Variants in SLC5A10 observed in about 807,000 individuals in gnomAD.
The protein encoded by SLC5A10 is solute carrier family 5 member 10, also known as sodium/mannose cotransporter SLC5A10.
SLC5A10 carries 55 observed loss-of-function variants against 68.9 expected under a neutral mutation model. The observed-to-expected ratio is 0.80, with a 90% confidence interval of 0.64 to 1.00. The LOEUF (loss-of-function observed/expected upper bound fraction) is 1.00, where lower values mean the gene tolerates loss of function less well. Ranked by LOEUF, SLC5A10 falls within the 50% of genes least tolerant of loss-of-function variation. The pLI, the probability that SLC5A10 is intolerant of heterozygous loss-of-function variation, is 0.00. For synonymous variants in SLC5A10, 344 were observed against 344.8 expected, an observed-to-expected ratio of 1.00 and a Z score of 0.02; for missense variants, 732 against 819.3, an observed-to-expected ratio of 0.89 and a Z score of 1.30.
Position 18,968,752 on chromosome 17 carries a change from C to G in SLC5A10, c.454-300C>G, listed in dbSNP as rs892248691. The G allele has an allele frequency of 5.0e-6, 2 of 398,138 alleles. No homozygotes were observed. Among genetic ancestry groups the G allele is most frequent in the Admixed American group, 8.4e-5 (2 of 23,936 alleles). The allele number at this position is 398,138 out of a possible 1,614,324, so 24.7% of individuals were successfully genotyped here. A position where few individuals can be genotyped will look rare whatever the true frequency, so the allele number is the denominator to read the frequency against. On this transcript the variant is annotated intron_variant, in intron 5 of 14. Coordinates refer to ENST00000395645, the MANE Select transcript of SLC5A10 (RefSeq NM_001042450.4). The surrounding 1 kb of genome is among the most constrained non-coding windows in gnomAD (Gnocchi z 4.1). ...GAGGGGACAGGGCTCTGCCTTTTAT[C>G]CCCTCGGGAAGGGGCCAGATTCAAT...
At chr17:18,960,890 G>A (rs1597817605) in intron 5 of SLC5A10, among the ~76,000 whole-genome samples, 2 of 152,196 alleles carry the variant, frequency 1.3e-5, no homozygotes, top group African/African-American at 2.4e-5. Flanking sequence ...ACACAACCTG[G>A]TGACCTCTGC....
rs2044113072 is a variant in SLC5A10 at position 19,015,203 on chromosome 17, C to CGGGGGTGGGGGCCGGTAT, written c.1241+17_1241+18insGGTATGGGGGTGGGGGCC. ...GGGAGCTCCTGCTGGTGGGACGGTA[C>CGGGGGTGGGGGCCGGTAT]GGGGGTGGGGGCCAGTACGGGGGTG... On this transcript the variant is annotated splice_donor_region_variant and intron_variant, in intron 11 of 14. Coordinates refer to ENST00000395645, the MANE Select transcript of SLC5A10 (RefSeq NM_001042450.4). 2 of 340,260 alleles carry CGGGGGTGGGGGCCGGTAT rather than the reference C, an allele frequency of 5.9e-6. No individual in the cohort carries two copies. Among genetic ancestry groups the CGGGGGTGGGGGCCGGTAT allele is most frequent in the Non-Finnish European group, 5.2e-6 (1 of 193,496 alleles). 21.1% of individuals were successfully genotyped at this position (340,260 alleles called of 1,614,324 possible). A position where few individuals can be genotyped will look rare whatever the true frequency, so the allele number is the denominator to read the frequency against.
In SLC5A10 at chr17:18,971,125, C is replaced by T; in HGVS notation, c.753C>T (p.His251=). Residue 251 remains histidine, a synonymous_variant, in exon 8 of 15, where the codon CAC becomes CAT. Transcript: ENST00000395645. This position sits in a 1 kb window ranked among gnomAD's most constrained non-coding sequence, Gnocchi z 5.5. ...TCHLPRTDAM[H]MFRDPHTGDL... Reference sequence around the variant, plus strand: ...ACCTGCCACGTACAGACGCCATGCACATGTTTCGAGACCCCCACACAGGGG... The same window carrying T: ...ACCTGCCACGTACAGACGCCATGCATATGTTTCGAGACCCCCACACAGGGG... 1 of 1,614,130 alleles carries T rather than the reference C, an allele frequency of 6.2e-7. No homozygotes were observed. Among genetic ancestry groups the T allele is most frequent in the South Asian group, 1.1e-5 (1 of 91,086 alleles).
In SLC5A10 at chr17:18,997,912, T is replaced by C. The variant is rs12453486; in HGVS notation, c.983-15498T>C. 0.011 allele frequency among the ~76,000 whole-genome samples: 1,663 copies of C among 152,310 alleles called. 120 individuals are homozygous for C. The East Asian group carries it at 0.19, about 18-fold the overall frequency. ...TTTCCCATTTAAATCTCACTGACTT[T>C]ATGAGGCAGGTGTTAGCTGTTAGCA... is the stretch of plus-strand genomic sequence containing the variant. On this transcript the variant is annotated intron_variant, in intron 9 of 14. Transcript: ENST00000395645.
At position 18,968,234 on chromosome 17, in the gene SLC5A10, G is replaced by T. The variant is rs1363273388; in HGVS notation, c.454-818G>T. Among the ~76,000 whole-genome samples the T allele has an allele frequency of 6.6e-6, 1 of 152,012 alleles. No individual in the cohort carries two copies. Among genetic ancestry groups the T allele is most frequent in the East Asian group, 1.9e-4 (1 of 5,202 alleles). ...CAGGAAGCTCCTGGCCCCTGAGGCT[G>T]TGTGTTGGGTCATCTCGCATCTCCT... On this transcript the variant is annotated intron_variant, in intron 5 of 14. Coordinates refer to ENST00000395645, the MANE Select transcript of SLC5A10 (RefSeq NM_001042450.4). The surrounding 1 kb of genome is among the most constrained non-coding windows in gnomAD (Gnocchi z 4.1).
In SLC5A10 at chr17:19,004,069, G is replaced by T; in HGVS notation, c.983-9341G>T. 1 of 1,554,124 alleles carries T rather than the reference G, an allele frequency of 6.4e-7. No individual in the cohort carries two copies. Among genetic ancestry groups the T allele is most frequent in the Non-Finnish European group, 8.7e-7 (1 of 1,149,720 alleles). ...CGCCGCCTGCCCGGGCACTGCTGCCGGGGGTGGGTGGGCAAGGTCCAGCTC... is the reference window on the plus strand; with the variant it reads ...CGCCGCCTGCCCGGGCACTGCTGCCTGGGGTGGGTGGGCAAGGTCCAGCTC... On this transcript the variant is annotated intron_variant, in intron 9 of 14. Coordinates refer to ENST00000395645, the MANE Select transcript of SLC5A10 (RefSeq NM_001042450.4). This position sits in a 1 kb window ranked among gnomAD's most constrained non-coding sequence, Gnocchi z 5.4.
intron 5 of SLC5A10, among the ~76,000 whole-genome samples, chr17:18,964,595 G>T (rs2042674179): frequency 6.6e-6 from 1 of 152,254 alleles, no homozygotes; most frequent in African/African-American, 2.4e-5. Context: ...ACGGTGAAGG[G>T]GGGACAGAAA....
At chr17:18,957,585 C>T (rs1597812563) in intron 1 of SLC5A10, among the ~76,000 whole-genome samples, 1 of 152,264 alleles carries the variant, frequency 6.6e-6, no homozygotes, top group African/African-American at 2.4e-5. Flanking sequence ...TCTGCCTCAG[C>T]CTCCCGAGTA....
rs1238678720 is a variant in SLC5A10 at position 18,971,688 on chromosome 17, G to A, written c.846+470G>A. On this transcript the variant is annotated intron_variant, in intron 8 of 14. Transcript: ENST00000395645. The surrounding 1 kb of genome is among the most constrained non-coding windows in gnomAD (Gnocchi z 5.5). Reference sequence around the variant, plus strand: ...GCAGAGCGGTACCTAGGGGGTCCTGGGAAGCCGTCTTTATCCCTAGTCCCT... The same window carrying A: ...GCAGAGCGGTACCTAGGGGGTCCTGAGAAGCCGTCTTTATCCCTAGTCCCT... 6.2e-7 allele frequency: 1 copy of A among 1,608,488 alleles called. No individual in the cohort carries two copies. The highest frequency in any genetic ancestry group is 1.3e-5 in the African/African-American group (1 of 74,790).
At chr17:18,978,699 G>A (rs768473258) in intron 9 of SLC5A10, 1 of 1,612,988 alleles carries the variant, frequency 6.2e-7, no homozygotes, top group South Asian at 1.1e-5. Flanking sequence ...ATAGGCTCCG[G>A]CTCCGGTTCC....
intron 5 of SLC5A10, among the ~76,000 whole-genome samples, chr17:18,964,999 C>T (rs1042348438): frequency 2.0e-5 from 3 of 151,766 alleles, no homozygotes; most frequent in African/African-American, 7.3e-5. Context: ...AAAAAATTAG[C>T]CAGGCGTGGT....
At chr17:18,973,893 T>TG (rs1213818698) in intron 8 of SLC5A10, among the ~76,000 whole-genome samples, 2 of 123,938 alleles carry the variant, frequency 1.6e-5, no homozygotes, top group East Asian at 2.4e-4. Context: ...AGTTTTTTTT[T>TG]TTTTTTTTTT....
In SLC5A10 at chr17:19,004,048, G is replaced by T. The variant is rs751568888; in HGVS notation, c.983-9362G>T. 3.2e-6 allele frequency: 5 copies of T among 1,573,992 alleles called. No homozygotes were observed. Among genetic ancestry groups the T allele is most frequent in the Non-Finnish European group, 4.3e-6 (5 of 1,157,996 alleles). On this transcript the variant is annotated intron_variant, in intron 9 of 14. Transcript: ENST00000395645. The surrounding 1 kb of genome is among the most constrained non-coding windows in gnomAD (Gnocchi z 5.4). ...GCACCTGAGAGAAGGCCATGGCGCCGCCTGCCCGGGCACTGCTGCCGGGGG... is the reference window on the plus strand; with the variant it reads ...GCACCTGAGAGAAGGCCATGGCGCCTCCTGCCCGGGCACTGCTGCCGGGGG...
intron 9 of SLC5A10, among the ~76,000 whole-genome samples, chr17:18,997,863 CAG>C (rs796955553): frequency 0.025 from 3,752 of 152,286 alleles, 157 homozygotes; most frequent in African/African-American, 0.085. Context: ...ATGCCAGACA[CAG>C]AGTGTTTTAC....
chr17:18,958,592 C>G, intron 1 of SLC5A10, 90 bp from the exon 2 acceptor site: 2 of 1,096,338 alleles, frequency 1.8e-6, no homozygotes, highest in South Asian at 2.6e-5. Flanking sequence ...CTATGCGTAA[C>G]CTTTTGAGGA....
At chr17:18,999,133 C>T (rs1464213686) in intron 9 of SLC5A10, among the ~76,000 whole-genome samples, 1 of 152,148 alleles carries the variant, frequency 6.6e-6, no homozygotes, top group African/African-American at 2.4e-5. Context: ...CAAAAATTAG[C>T]TGGGCGTGGT....
intron 2 of SLC5A10, among the ~76,000 whole-genome samples, 176 bp from the exon 3 acceptor site, chr17:18,958,959 T>G (rs2042559464): frequency 6.6e-6 from 1 of 152,222 alleles, no homozygotes; most frequent in Admixed American, 6.5e-5. Flanking sequence ...GAAACTTACA[T>G]CCGCTCCTTA....
chr17:18,991,790 G>A (rs2043433117), intron 9 of SLC5A10, among the ~76,000 whole-genome samples: 1 of 152,190 alleles, frequency 6.6e-6, no homozygotes, highest in African/African-American at 2.4e-5. Flanking sequence ...GTGAAGGAGG[G>A]AGCCCAGTGG....
rs142768495 is a variant in SLC5A10 at position 18,960,654 on chromosome 17, T to C, written c.453+2T>C. The C allele has an allele frequency of 4.8e-4, 779 of 1,613,750 alleles. 1 individual carries two copies. Among genetic ancestry groups the C allele is most frequent in the Non-Finnish European group, 4.7e-4 (554 of 1,179,802 alleles). ...CTGTCTGTCTTCACCAAGATATCGG[T>C]GAGCTGCCCCCGGCTCCCTGCTGGC... is the stretch of plus-strand genomic sequence containing the variant. On this transcript the variant is annotated splice_donor_variant, in intron 5 of 14. Transcript: ENST00000395645. LOFTEE classifies it high-confidence loss of function.
Sources: gnomAD v4.1 joint callset for allele counts (sites outside exome capture counted in the v4.1 genomes callset) on GRCh38, gnomAD v4.1.1 for gene constraint, Gnocchi (gnomAD v3.1) non-coding constraint, MANE v1.5 for transcripts, NCBI Gene and HGNC (gene_info 2026-07-23, HGNC 2026-07-21) for gene names.